The following TMEM132B variants were observed in gnomAD, a reference collection of about 807,000 sequenced individuals.
TMEM132B encodes transmembrane protein 132B.
TMEM132B carries 18 observed loss-of-function variants against 90.8 expected under a neutral mutation model. That is an observed-to-expected ratio of 0.20 (90% CI 0.14 to 0.29). The LOEUF (loss-of-function observed/expected upper bound fraction) is 0.29. Among genes scored for constraint, TMEM132B ranks in the 10% least tolerant of loss-of-function variants. The pLI is 1.00. For synonymous variants in TMEM132B, 504 were observed against 523.3 expected (o/e 0.96, Z 0.50); for missense variants, 1,096 against 1,326.8 (o/e 0.83, Z 2.70).
intron 4 of TMEM132B, among the ~76,000 whole-genome samples, chr12:125,557,845 T>C (rs1425852639): frequency 6.6e-6 from 1 of 152,162 alleles, no homozygotes; most frequent in African/African-American, 2.4e-5. Flanking sequence ...CAGTCTTTTC[T>C]TTAGGGATGA....
chr12:125,474,134 C>T (rs978956227), intron 3 of TMEM132B, among the ~76,000 whole-genome samples: 1 of 146,874 alleles, frequency 6.8e-6, no homozygotes, highest in Non-Finnish European at 1.5e-5. Context: ...TCTTTCCTCT[C>T]TCTCTCGCCT....
chr12:125,421,610 G>A (rs565115358), intron 3 of TMEM132B, among the ~76,000 whole-genome samples: 1 of 152,296 alleles, frequency 6.6e-6, no homozygotes, highest in Admixed American at 6.5e-5. Flanking sequence ...AACCATATCA[G>A]CTACCATATT....
chr12:125,463,979 C>T (rs746667208), intron 3 of TMEM132B, among the ~76,000 whole-genome samples: 1 of 152,100 alleles, frequency 6.6e-6, no homozygotes, highest in Non-Finnish European at 1.5e-5. Flanking sequence ...TTAAAACCAT[C>T]AGCTCTCATG....
intron 3 of TMEM132B, among the ~76,000 whole-genome samples, chr12:125,425,599 A>G (rs1880294716): frequency 6.6e-6 from 1 of 151,850 alleles, no homozygotes; most frequent in Non-Finnish European, 1.5e-5. Flanking sequence ...TGCTCTACCT[A>G]CCCTCTCCCT....
chr12:125,574,159 GCAGT>G (rs1884876945), intron 4 of TMEM132B, among the ~76,000 whole-genome samples: 1 of 149,086 alleles, frequency 6.7e-6, no homozygotes. Context: ...GAGTTACTGA[GCAGT>G]CAGTTTTTTT....
chr12:125,559,476 A>G (rs958900924), intron 4 of TMEM132B, among the ~76,000 whole-genome samples: 6 of 152,200 alleles, frequency 3.9e-5, no homozygotes, highest in Non-Finnish European at 7.3e-5. Context: ...AAAATATCCC[A>G]GGAGAAATAT....
chr12:125,274,673 C>T (rs1340184053), intron 1 of TMEM132B, among the ~76,000 whole-genome samples: 5 of 152,164 alleles, frequency 3.3e-5, no homozygotes, highest in Admixed American at 6.5e-5. Context: ...ATTAACTTCG[C>T]GGTAATACAG....
chr12:125,418,615 C>G (rs1880088895), intron 3 of TMEM132B, among the ~76,000 whole-genome samples: 1 of 152,144 alleles, frequency 6.6e-6, no homozygotes, highest in South Asian at 2.1e-4. Context: ...ATATCCCCAA[C>G]AAAACACCCT....
chr12:125,218,875 TG>T (rs1432374019), intron 1 of TMEM132B, among the ~76,000 whole-genome samples: 3 of 149,804 alleles, frequency 2.0e-5, no homozygotes, highest in African/African-American at 7.4e-5. Context: ...TGCCCATGAA[TG>T]GGAGGGAAAT....
intron 2 of TMEM132B, among the ~76,000 whole-genome samples, chr12:125,396,123 G>A (rs1407912735): frequency 6.6e-6 from 1 of 152,218 alleles, no homozygotes; most frequent in Non-Finnish European, 1.5e-5. Context: ...CCTGGACTGA[G>A]TGTGAGTGTG....
At chr12:125,450,348 C>A (rs928476687) in intron 3 of TMEM132B, among the ~76,000 whole-genome samples, 1 of 152,098 alleles carries the variant, frequency 6.6e-6, no homozygotes, top group Non-Finnish European at 1.5e-5. Context: ...GTCTTAATTA[C>A]ATAGAACAAA....
intron 2 of TMEM132B, among the ~76,000 whole-genome samples, chr12:125,358,789 GTAA>G (rs1007536231): frequency 6.6e-6 from 1 of 152,128 alleles, no homozygotes; most frequent in Non-Finnish European, 1.5e-5. Flanking sequence ...TTTGTAGTTG[GTAA>G]TAATAACACC....
At chr12:125,546,115 T>C (rs952444295) in intron 4 of TMEM132B, among the ~76,000 whole-genome samples, 1 of 152,012 alleles carries the variant, frequency 6.6e-6, no homozygotes, top group Admixed American at 6.6e-5. Flanking sequence ...TTCCCACATA[T>C]ATATAATGTA....
At chr12:125,645,572 G>A (rs1249335440) in intron 6 of TMEM132B, among the ~76,000 whole-genome samples, 1 of 152,180 alleles carries the variant, frequency 6.6e-6, no homozygotes, top group Non-Finnish European at 1.5e-5. Context: ...CAGGAAATAG[G>A]GCCTCAGTTC....
intron 4 of TMEM132B, among the ~76,000 whole-genome samples, chr12:125,523,745 G>A: frequency 6.6e-6 from 1 of 152,176 alleles, no homozygotes; most frequent in East Asian, 1.9e-4. Context: ...GCCTGCACCA[G>A]CTTACAGCTT....
At chr12:125,358,304 T>C (rs967678692) in intron 2 of TMEM132B, among the ~76,000 whole-genome samples, 1 of 150,174 alleles carries the variant, frequency 6.7e-6, no homozygotes, top group African/African-American at 2.5e-5. Flanking sequence ...TTTAGACTTA[T>C]GGAAAAGTCT....
intron 4 of TMEM132B, among the ~76,000 whole-genome samples, chr12:125,551,657 G>A (rs7311690): frequency 0.18 from 26,296 of 147,528 alleles, 2,844 homozygotes; most frequent in East Asian, 0.59. Flanking sequence ...TCATTTTATC[G>A]TTGTATTGGT....
intron 1 of TMEM132B, among the ~76,000 whole-genome samples, chr12:125,244,014 A>G (rs1189949400): frequency 6.6e-6 from 1 of 152,060 alleles, no homozygotes; most frequent in Middle Eastern, 3.2e-3. Context: ...AATCACACAC[A>G]ATGCAGCCTT....
intron 3 of TMEM132B, among the ~76,000 whole-genome samples, chr12:125,420,582 G>C (rs1016486314): frequency 6.6e-6 from 1 of 152,190 alleles, no homozygotes; most frequent in Non-Finnish European, 1.5e-5. Flanking sequence ...TCTGATGGGA[G>C]CGACTGCCAG....
Sources: allele counts gnomAD v4.1 joint callset (sites outside exome capture counted in the v4.1 genomes callset), GRCh38; gene constraint gnomAD v4.1.1; transcripts MANE v1.5; gene names NCBI Gene and HGNC (gene_info 2026-07-23, HGNC 2026-07-21).